The following IFFO2 variants were observed in gnomAD, a reference collection of about 807,000 sequenced individuals.
IFFO2 encodes intermediate filament family orphan 2.
In IFFO2, 19 loss-of-function variants were observed where a neutral mutation model predicts 53.5. That is an observed-to-expected ratio of 0.36 (90% CI 0.25 to 0.52). The LOEUF (loss-of-function observed/expected upper bound fraction) is 0.52. IFFO2 is among the 20% of genes least tolerant of loss of function. The pLI is 0.94. For synonymous variants in IFFO2, 303 were observed against 313.6 expected, an observed-to-expected ratio of 0.97 and a Z score of 0.36; for missense variants, 570 against 727.4, an observed-to-expected ratio of 0.78 and a Z score of 2.49.
intron 1 of IFFO2, among the ~76,000 whole-genome samples, chr1:18,937,391 T>G (rs563036662): frequency 1.6e-4 from 25 of 152,296 alleles, no homozygotes; most frequent in Non-Finnish European, 3.1e-4. Context: ...GGGGATGGAC[T>G]CATTACTTAA....
In IFFO2 at chr1:18,910,334, G is replaced by A. The variant is rs372009210; in HGVS notation, c.1448+8C>T. On this transcript the variant is annotated splice_region_variant and intron_variant, in intron 8 of 8. Coordinates refer to ENST00000455833, the MANE Select transcript of IFFO2 (RefSeq NM_001136265.2). ...ATAGCTGAATCCCCTGGGAGGATGG[G>A]CGGGTACCTGTCTGCGGAGCCTTTG... The A allele has an allele frequency of 1.3e-5, 21 of 1,599,212 alleles. No homozygotes were observed. The highest frequency in any genetic ancestry group is 1.8e-5 in the Non-Finnish European group (21 of 1,173,062).
At position 18,916,877 on chromosome 1, in the gene IFFO2, AGT is replaced by A. The variant is rs1027283030; in HGVS notation, c.1103+24_1103+25del. Reference sequence around the variant, plus strand: ...GTGCAAGCAATCCGGGGAAACGGAGAGTGTGCGGGCCACGGGGATACTCACAG... The same window carrying A: ...GTGCAAGCAATCCGGGGAAACGGAGAGTGCGGGCCACGGGGATACTCACAG... On this transcript the variant is annotated intron_variant, in intron 5 of 8. Coordinates refer to ENST00000455833, the MANE Select transcript of IFFO2 (RefSeq NM_001136265.2). The surrounding 1 kb of genome is among the most constrained non-coding windows in gnomAD (Gnocchi z 4.3). 1.3e-6 allele frequency: 2 copies of A among 1,550,638 alleles called. No individual in the cohort carries two copies. Among genetic ancestry groups the A allele is most frequent in the Non-Finnish European group, 1.7e-6 (2 of 1,146,198 alleles).
rs1936717875 is a variant in IFFO2 at position 18,955,835 on chromosome 1, C to G, written c.498G>C (p.Gln166His). 1 of 1,515,188 alleles carries G rather than the reference C, an allele frequency of 6.6e-7. No homozygotes were observed. Among genetic ancestry groups the G allele is most frequent in the East Asian group, 2.6e-5 (1 of 38,090 alleles). The allele number at this position is 1,515,188 out of a possible 1,614,324, so 93.9% of individuals were successfully genotyped here. The change falls in exon 1 of 9, where the codon CAG becomes CAC. Residue 166 changes from glutamine to histidine, a missense_variant. Coordinates refer to ENST00000455833, the MANE Select transcript of IFFO2 (RefSeq NM_001136265.2). ...RLPGTIWSYT[Q>H]VRRTGGGGVE... is the part of the protein sequence containing the mutation. ...CGCCGCCGCCGCCCGTGCGCCGCAC[C>G]TGCGTGTAGCTCCAGATGGTCCCGG...
chr1:18,943,375 G>A (rs1936544786), intron 1 of IFFO2, among the ~76,000 whole-genome samples: 1 of 151,978 alleles, frequency 6.6e-6, no homozygotes, highest in East Asian at 1.9e-4. Flanking sequence ...GCAAGACCCT[G>A]TCTTAAAAAA....
At position 18,908,287 on chromosome 1, in the gene IFFO2, A is replaced by G; in HGVS notation, c.*274T>C. The G allele has an allele frequency of 2.3e-6, 1 of 440,254 alleles. No homozygotes were observed. The highest frequency in any genetic ancestry group is 2.2e-5 in the South Asian group (1 of 45,546). 27.3% of individuals were successfully genotyped at this position (440,254 alleles called of 1,614,324 possible). On this transcript the variant is annotated 3_prime_UTR_variant, in exon 9 of 9. Coordinates refer to ENST00000455833, the MANE Select transcript of IFFO2 (RefSeq NM_001136265.2). ...AGGGAGAAGGCACAGTTAACACTGC[A>G]AAGTCCGCACAGAAGTCTGCATTTG...
At chr1:18,945,639 G>A (rs1487456622) in intron 1 of IFFO2, among the ~76,000 whole-genome samples, 1 of 152,248 alleles carries the variant, frequency 6.6e-6, no homozygotes, top group Non-Finnish European at 1.5e-5. Context: ...GAGCACGCAG[G>A]CCAGAGGGCG....
chr1:18,938,806 G>T (rs1936482388), intron 1 of IFFO2, among the ~76,000 whole-genome samples: 1 of 152,158 alleles, frequency 6.6e-6, no homozygotes, highest in Non-Finnish European at 1.5e-5. Flanking sequence ...AGACAGCAGG[G>T]GCCACGCCCA....
At chr1:18,929,647 C>G (rs1456684875) in intron 1 of IFFO2, among the ~76,000 whole-genome samples, 1 of 40,794 alleles carries the variant, frequency 2.5e-5, no homozygotes, top group African/African-American at 1.4e-4. Context: ...TCTCTGGGCT[C>G]TCTGTGGTGA....
rs147813669 is a variant in IFFO2 at position 18,928,570 on chromosome 1, G to A, written c.666-7449C>T. On this transcript the variant is annotated intron_variant, in intron 1 of 8. Transcript: ENST00000455833. The surrounding 1 kb of genome is among the most constrained non-coding windows in gnomAD (Gnocchi z 4.9). ...CACAGAGCTGCTTTCAACCAGAAAC[G>A]GCAGCCTCCTCCAGGGATCCCAGCG... Among the ~76,000 whole-genome samples the A allele has an allele frequency of 3.9e-5, 6 of 152,256 alleles. No individual in the cohort carries two copies. The highest frequency in any genetic ancestry group is 3.9e-4 in the East Asian group (2 of 5,174).
rs192076594 is a variant in IFFO2, at chr1:18,936,772, G to A, written c.666-15651C>T. ...TATCATGTGCAGCCTGAAAAAATGA[G>A]GGGCTGGCAGCCAGGCAGAGCCCAC... On this transcript the variant is annotated intron_variant, in intron 1 of 8. Transcript: ENST00000455833. This position sits in a 1 kb window ranked among gnomAD's most constrained non-coding sequence, Gnocchi z 4.5. Among the ~76,000 whole-genome samples the A allele has an allele frequency of 1.3e-5, 2 of 152,332 alleles. No individual in the cohort carries two copies. The highest frequency in any genetic ancestry group is 1.5e-5 in the Non-Finnish European group (1 of 68,028).
At chr1:18,927,560 G>C (rs761799366) in intron 1 of IFFO2, among the ~76,000 whole-genome samples, 1 of 152,082 alleles carries the variant, frequency 6.6e-6, no homozygotes, top group Non-Finnish European at 1.5e-5. Context: ...CACAGATTTG[G>C]CCCAGCCAAT....
chr1:18,929,477 G>C (rs555200692), intron 1 of IFFO2, among the ~76,000 whole-genome samples: 1 of 152,320 alleles, frequency 6.6e-6, no homozygotes, highest in South Asian at 2.1e-4. Context: ...AGTTGCTAAG[G>C]AGTTTTCCCA....
At chr1:18,935,417 C>G (rs968034401) in intron 1 of IFFO2, among the ~76,000 whole-genome samples, 2 of 152,054 alleles carry the variant, frequency 1.3e-5, no homozygotes, top group African/African-American at 4.8e-5. Context: ...CTCCAGCCCC[C>G]CTGTGCCAAG....
In IFFO2 at chr1:18,917,082, C is replaced by T. The variant is rs779783130; in HGVS notation, c.964-40G>A. The T allele has an allele frequency of 1.0e-5, 16 of 1,548,806 alleles. 1 individual carries two copies. The South Asian group carries it at 1.4e-4, about 14-fold the overall frequency. On this transcript the variant is annotated intron_variant, in intron 4 of 8. Coordinates refer to ENST00000455833, the MANE Select transcript of IFFO2 (RefSeq NM_001136265.2). The surrounding 1 kb of genome is among the most constrained non-coding windows in gnomAD (Gnocchi z 5.9). ...AAGCAATCAAGGTAACTGGGGGGCT[C>T]GGCTAGGATGGAAGGTAGGGGTGAA...
At chr1:18,931,888 G>A (rs77254918) in intron 1 of IFFO2, among the ~76,000 whole-genome samples, 70 of 152,288 alleles carry the variant, frequency 4.6e-4, no homozygotes, top group East Asian at 7.7e-4. Flanking sequence ...ACAGTGCCAC[G>A]GTCAGATGCA....
At chr1:18,910,522 C>A in intron 7 of IFFO2, 50 bp from the exon 8 acceptor site, 2 of 1,566,636 alleles carry the variant, frequency 1.3e-6, no homozygotes, top group Non-Finnish European at 1.7e-6. Flanking sequence ...ATCCTCGTGA[C>A]AGAAGCCTCG....
At chr1:18,923,106 C>T (rs1177768689) in intron 1 of IFFO2, among the ~76,000 whole-genome samples, 4 of 152,214 alleles carry the variant, frequency 2.6e-5, no homozygotes, top group African/African-American at 2.4e-5. Flanking sequence ...GGGCGAGCCC[C>T]GGCAAGCCTC....
At chr1:18,933,170 T>C (rs1936401322) in intron 1 of IFFO2, among the ~76,000 whole-genome samples, 1 of 152,244 alleles carries the variant, frequency 6.6e-6, no homozygotes. Context: ...GCAGGACCTC[T>C]GGCTCCTCCA....
In IFFO2 at chr1:18,928,037, T is replaced by C. The variant is rs1449810312; in HGVS notation, c.666-6916A>G. 6.6e-6 allele frequency among the ~76,000 whole-genome samples: 1 copy of C among 152,220 alleles called. No individual in the cohort carries two copies. The highest frequency in any genetic ancestry group is 2.4e-5 in the African/African-American group (1 of 41,460). On this transcript the variant is annotated intron_variant, in intron 1 of 8. Transcript: ENST00000455833. This position sits in a 1 kb window ranked among gnomAD's most constrained non-coding sequence, Gnocchi z 4.9. ...CACCACTGCTAACACAGGGCTCACC[T>C]CCTGGGCAGCTCAGCACTGATGCAC...
Sources: allele counts gnomAD v4.1 joint callset (sites outside exome capture counted in the v4.1 genomes callset), GRCh38; gene constraint gnomAD v4.1.1; non-coding constraint Gnocchi (gnomAD v3.1); transcripts MANE v1.5; gene names NCBI Gene and HGNC (gene_info 2026-07-23, HGNC 2026-07-21).